Variants in EYS observed in about 807,000 individuals in gnomAD.
The protein encoded by EYS is EGF-like photoreceptor maintenance factor, also known as protein eyes shut homolog.
Under a neutral mutation model 282.1 loss-of-function variants are expected in EYS, and 250 were observed. That is an observed-to-expected ratio of 0.89 (90% CI 0.80 to 0.98). The LOEUF (loss-of-function observed/expected upper bound fraction) is 0.98. EYS is among the 50% of genes least tolerant of loss of function. The pLI, the probability that EYS is intolerant of heterozygous loss-of-function variation, is 0.00. For missense variants in EYS, 4,016 were observed against 3,709.0 expected, an observed-to-expected ratio of 1.08 and a Z score of -2.15; for synonymous variants, 1,355 against 1,282.9, an observed-to-expected ratio of 1.06 and a Z score of -1.20.
intron 14 of EYS, among the ~76,000 whole-genome samples, chr6:64,980,747 A>C (rs776580906): frequency 1.3e-5 from 2 of 151,434 alleles, no homozygotes; most frequent in South Asian, 4.1e-4. Context: ...GACACATTCT[A>C]GTTTTATAAA....
At position 64,650,528 on chromosome 6, in the gene EYS, C is replaced by G. The variant is rs528607196; in HGVS notation, c.3444-24283G>C. 2.6e-3 allele frequency among the ~76,000 whole-genome samples: 403 copies of G among 152,114 alleles called. 2 individuals are homozygous for G. The highest frequency in any genetic ancestry group is 9.1e-3 in the African/African-American group (379 of 41,548). On this transcript the variant is annotated intron_variant, in intron 22 of 42. Transcript: ENST00000503581. ...ATGAAAGATTCATAGGAGAATTTAA[C>G]TTTATACAGCAGTATGCTTATAAAC...
At chr6:64,145,898 G>A (rs1439991422) in intron 31 of EYS, among the ~76,000 whole-genome samples, 2 of 152,026 alleles carry the variant, frequency 1.3e-5, no homozygotes, top group African/African-American at 2.4e-5. Context: ...TAAGCTTCAG[G>A]GCTCCTAATT....
chr6:64,532,796 C>T (rs1419536024), intron 26 of EYS, among the ~76,000 whole-genome samples: 1 of 152,046 alleles, frequency 6.6e-6, no homozygotes, highest in Non-Finnish European at 1.5e-5. Flanking sequence ...TCCCACACAA[C>T]GTTCAACATA....
At chr6:64,787,901 CT>C (rs1774072904) in intron 22 of EYS, among the ~76,000 whole-genome samples, 1 of 151,758 alleles carries the variant, frequency 6.6e-6, no homozygotes, top group South Asian at 2.1e-4. Context: ...TAGAGAAGCT[CT>C]TTTTCTGTTA....
intron 12 of EYS, among the ~76,000 whole-genome samples, chr6:65,156,816 C>T (rs1174458261): frequency 1.3e-5 from 2 of 151,090 alleles, no homozygotes; most frequent in East Asian, 2.0e-4. Flanking sequence ...TTTCCCTGGC[C>T]TCCCATTCTT....
chr6:63,888,253 A>G lies in EYS; in HGVS notation c.7056-23895T>C, dbSNP rs149390338. On this transcript the variant is annotated intron_variant, in intron 35 of 42. Transcript: ENST00000503581. ...ATTCCTGCCTGCCAGCTCTGAAGAG[A>G]GTAGCAGATCTCCCAGCACAGTGCT... 6.4e-3 allele frequency among the ~76,000 whole-genome samples: 973 copies of G among 152,320 alleles called. 4 individuals are homozygous for G. The highest frequency in any genetic ancestry group is 0.014 in the Middle Eastern group (4 of 294).
chr6:65,477,996 T>C (rs1765470919), intron 5 of EYS, among the ~76,000 whole-genome samples: 1 of 152,114 alleles, frequency 6.6e-6, no homozygotes, highest in Non-Finnish European at 1.5e-5. Context: ...ATTAAGAACA[T>C]CCCCACATCT....
chr6:65,614,145 A>G (rs1766101174), intron 2 of EYS, among the ~76,000 whole-genome samples: 1 of 152,000 alleles, frequency 6.6e-6, no homozygotes, highest in African/African-American at 2.4e-5. Flanking sequence ...TTCACAGATA[A>G]TAACTACACA....
intron 12 of EYS, among the ~76,000 whole-genome samples, chr6:65,188,532 A>T (rs971718550): frequency 1.3e-4 from 20 of 151,628 alleles, no homozygotes; most frequent in Non-Finnish European, 2.5e-4. Flanking sequence ...ACCTCCAAAG[A>T]TATTTATATC....
At chr6:63,852,390 T>A (rs1772282842) in intron 36 of EYS, among the ~76,000 whole-genome samples, 1 of 152,026 alleles carries the variant, frequency 6.6e-6, no homozygotes, top group African/African-American at 2.4e-5. Flanking sequence ...AAGAAATTGA[T>A]AAATTCCTGG....
intron 29 of EYS, among the ~76,000 whole-genome samples, chr6:64,321,015 C>T (rs1216762831): frequency 6.6e-6 from 1 of 151,618 alleles, no homozygotes; most frequent in Non-Finnish European, 1.5e-5. Context: ...ATTCCCTACT[C>T]AAAAAAATTT....
At chr6:63,826,845 C>CAAAAAAAAAAAAAAAAAAAGGAAAAA (rs1771478793) in intron 36 of EYS, among the ~76,000 whole-genome samples, 11 of 76,758 alleles carry the variant, frequency 1.4e-4, no homozygotes, top group East Asian at 4.1e-4. Context: ...AGTTAAAAAG[C>CAAAAAAAAAAAAAAAAAAAGGAAAAA]AAAAAAAAAA....
At chr6:64,504,850 A>G (rs1777163349) in intron 26 of EYS, among the ~76,000 whole-genome samples, 2 of 152,166 alleles carry the variant, frequency 1.3e-5, no homozygotes, top group South Asian at 4.1e-4. Context: ...AGGATCTCTC[A>G]GGGTAGGTCG....
At chr6:64,713,998 G>T (rs1008422406) in intron 22 of EYS, among the ~76,000 whole-genome samples, 6 of 152,112 alleles carry the variant, frequency 3.9e-5, no homozygotes, top group African/African-American at 1.4e-4. Flanking sequence ...TATTTTCAGA[G>T]AACTAATTGT....
chr6:65,623,720 G>C (rs928219186), intron 2 of EYS, among the ~76,000 whole-genome samples: 1 of 152,166 alleles, frequency 6.6e-6, no homozygotes, highest in Non-Finnish European at 1.5e-5. Context: ...ATTATTTTGT[G>C]AATTAAAACT....
intron 31 of EYS, among the ~76,000 whole-genome samples, chr6:64,156,964 T>C (rs6903570): frequency 0.26 from 39,006 of 151,602 alleles, 5,342 homozygotes; most frequent in East Asian, 0.45. Flanking sequence ...TACATATGTA[T>C]ACATGTGCTA....
intron 2 of EYS, among the ~76,000 whole-genome samples, chr6:65,532,477 A>C (rs1767810453): frequency 6.6e-6 from 1 of 152,196 alleles, no homozygotes; most frequent in Non-Finnish European, 1.5e-5. Context: ...CTTCAAGATT[A>C]GATCAAAACA....
chr6:64,610,794 AACT>A (rs1317223753), intron 24 of EYS, among the ~76,000 whole-genome samples: 2 of 152,230 alleles, frequency 1.3e-5, no homozygotes, highest in Admixed American at 6.5e-5. Context: ...GAAAATATTA[AACT>A]ACATTTTTCA....
intron 36 of EYS, among the ~76,000 whole-genome samples, chr6:63,814,592 A>G (rs1287797706): frequency 6.6e-6 from 1 of 152,250 alleles, no homozygotes; most frequent in Admixed American, 6.5e-5. Flanking sequence ...GCAGAGCATT[A>G]TAATTTCCAC....
Sources: gnomAD v4.1 joint callset for allele counts (sites outside exome capture counted in the v4.1 genomes callset) on GRCh38, gnomAD v4.1.1 for gene constraint, MANE v1.5 for transcripts, NCBI Gene and HGNC (gene_info 2026-07-23, HGNC 2026-07-21) for gene names.